The following BABAM2 variants were observed in gnomAD, a reference collection of about 807,000 sequenced individuals.
BABAM2 encodes BRISC and BRCA1 A complex member 2.
A neutral mutation model predicts 54.7 loss-of-function variants in BABAM2; 31 were observed. The ratio of observed to expected loss-of-function variants is 0.57; its 90% CI spans 0.43 to 0.77. BABAM2 has a LOEUF of 0.77. BABAM2 is among the 30% of genes least tolerant of loss of function. BABAM2 has a pLI of 0.00. For missense variants in BABAM2, 364 were observed against 455.8 expected (o/e 0.80, Z 1.83); for synonymous variants, 167 against 162.9 (o/e 1.03, Z -0.19).
At chr2:27,893,294 T>C (rs939616017) in intron 1 of BABAM2, among the ~76,000 whole-genome samples, 1 of 152,326 alleles carries the variant, frequency 6.6e-6, no homozygotes, top group Admixed American at 6.5e-5. Context: ...AATTTAGATA[T>C]GATGTATTGG....
At chr2:27,971,255 G>A (rs1671195482) in intron 3 of BABAM2, among the ~76,000 whole-genome samples, 2 of 152,066 alleles carry the variant, frequency 1.3e-5, no homozygotes, top group African/African-American at 4.8e-5. Context: ...TTTTCTGTCA[G>A]TGATAGTACT....
intron 7 of BABAM2, among the ~76,000 whole-genome samples, chr2:28,174,617 CCA>C (rs929841075): frequency 3.3e-5 from 5 of 152,162 alleles, no homozygotes; most frequent in Non-Finnish European, 5.9e-5. Flanking sequence ...CACATTTCCA[CCA>C]CAGAGTCCTG....
At position 27,995,571 on chromosome 2, in the gene BABAM2, A is replaced by C. The variant is rs1477696220; in HGVS notation, c.300+7484A>C. On this transcript the variant is annotated intron_variant, in intron 4 of 11. Coordinates refer to ENST00000379624, the MANE Select transcript of BABAM2 (RefSeq NM_199191.3). The surrounding 1 kb of genome is among the most constrained non-coding windows in gnomAD (Gnocchi z 4.1). ...TTTTCCTATTAAACCCATCCTCATG[A>C]GTTCTTTTTTGTTTGTTTGTTTTTC... is the stretch of plus-strand genomic sequence containing the variant. Among the ~76,000 whole-genome samples the C allele has an allele frequency of 6.6e-6, 1 of 151,542 alleles. No individual in the cohort carries two copies. Among genetic ancestry groups the C allele is most frequent in the Non-Finnish European group, 1.5e-5 (1 of 67,864 alleles).
chr2:28,050,624 G>T (rs1677927096), intron 6 of BABAM2, among the ~76,000 whole-genome samples: 1 of 152,178 alleles, frequency 6.6e-6, no homozygotes, highest in African/African-American at 2.4e-5. Context: ...CATAATCATT[G>T]TCCTCAGAGA....
At chr2:27,922,727 C>G (rs1201512442) in intron 2 of BABAM2, among the ~76,000 whole-genome samples, 2 of 152,054 alleles carry the variant, frequency 1.3e-5, no homozygotes, top group Non-Finnish European at 2.9e-5. Flanking sequence ...TGCTATATTC[C>G]TAGCACTTAG....
At chr2:28,108,623 T>G (rs1667730086) in intron 6 of BABAM2, among the ~76,000 whole-genome samples, 1 of 152,230 alleles carries the variant, frequency 6.6e-6, no homozygotes, top group Non-Finnish European at 1.5e-5. Context: ...TTATGCTAAG[T>G]CCAACATTTA....
At chr2:27,994,160 T>C (rs550979152) in intron 4 of BABAM2, among the ~76,000 whole-genome samples, 9 of 152,284 alleles carry the variant, frequency 5.9e-5, no homozygotes, top group African/African-American at 2.2e-4. Context: ...AGCAGAATTA[T>C]AGCACAGGGT....
chr2:27,950,810 A>C (rs992040728), intron 3 of BABAM2, among the ~76,000 whole-genome samples: 10 of 152,142 alleles, frequency 6.6e-5, no homozygotes, highest in Non-Finnish European at 1.2e-4. Context: ...TAAAGTACAA[A>C]TTAAATTTGC....
chr2:28,195,946 A>G (rs1375261470), intron 7 of BABAM2, among the ~76,000 whole-genome samples: 10 of 152,256 alleles, frequency 6.6e-5, no homozygotes, highest in African/African-American at 1.9e-4. Context: ...GGAAGATGGT[A>G]TGCTGTCACT....
intron 6 of BABAM2, among the ~76,000 whole-genome samples, chr2:28,055,145 A>AG (rs1678299608): frequency 6.6e-6 from 1 of 152,220 alleles, no homozygotes; most frequent in Non-Finnish European, 1.5e-5. Flanking sequence ...CATTATCCTA[A>AG]GGAAACTAAC....
chr2:28,241,980 T>A (rs540364543), intron 9 of BABAM2, among the ~76,000 whole-genome samples: 1 of 152,056 alleles, frequency 6.6e-6, no homozygotes, highest in South Asian at 2.1e-4. Flanking sequence ...TAACGGTCAC[T>A]TTTTGTAGAA....
At chr2:28,167,762 G>T (rs1673874438) in intron 7 of BABAM2, among the ~76,000 whole-genome samples, 2 of 152,022 alleles carry the variant, frequency 1.3e-5, no homozygotes, top group South Asian at 4.2e-4. Flanking sequence ...AGTCTGTTTG[G>T]TAGGCAACAC....
intron 2 of BABAM2, among the ~76,000 whole-genome samples, chr2:27,920,150 G>T (rs10173848): frequency 0.71 from 108,078 of 151,958 alleles, 39,375 homozygotes; most frequent in Middle Eastern, 0.83. Flanking sequence ...AAAATCAACC[G>T]AGAAAATCTA....
At chr2:27,941,429 G>C (rs896011065) in intron 3 of BABAM2, among the ~76,000 whole-genome samples, 2 of 151,964 alleles carry the variant, frequency 1.3e-5, no homozygotes, top group African/African-American at 4.8e-5. Flanking sequence ...GGTGGCGGGT[G>C]CCTGTAATCC....
At chr2:27,969,157 G>A (rs1408633013) in intron 3 of BABAM2, among the ~76,000 whole-genome samples, 1 of 152,158 alleles carries the variant, frequency 6.6e-6, no homozygotes, top group Non-Finnish European at 1.5e-5. Flanking sequence ...TTTGCCTGCT[G>A]CCATCCATGT....
chr2:28,020,994 C>A (rs1675212270), intron 4 of BABAM2, among the ~76,000 whole-genome samples: 1 of 149,576 alleles, frequency 6.7e-6, no homozygotes, highest in African/African-American at 2.5e-5. Flanking sequence ...CACACACAAA[C>A]TACTTGTATG....
chr2:27,991,098 G>T (rs2148492275), intron 4 of BABAM2, among the ~76,000 whole-genome samples: 1 of 152,146 alleles, frequency 6.6e-6, no homozygotes, highest in African/African-American at 2.4e-5. Flanking sequence ...GGACATTAAT[G>T]GTTCAGTGGT....
chr2:28,310,117 CT>C, intron 11 of BABAM2: 1 of 1,614,212 alleles, frequency 6.2e-7, no homozygotes, highest in Non-Finnish European at 8.5e-7. Flanking sequence ...GAATCCAGCT[CT>C]GCCTGACATC....
At chr2:27,949,515 C>G (rs1669547678) in intron 3 of BABAM2, among the ~76,000 whole-genome samples, 1 of 145,082 alleles carries the variant, frequency 6.9e-6, no homozygotes, top group South Asian at 2.1e-4. Context: ...ACCTGGGCGA[C>G]AGAGTGAGAT....
Sources: gnomAD v4.1 joint callset for allele counts (sites outside exome capture counted in the v4.1 genomes callset) on GRCh38, gnomAD v4.1.1 for gene constraint, Gnocchi (gnomAD v3.1) non-coding constraint, MANE v1.5 for transcripts, NCBI Gene and HGNC (gene_info 2026-07-23, HGNC 2026-07-21) for gene names.